The following GABRG3 variants were observed in gnomAD, a reference collection of about 807,000 sequenced individuals.
GABRG3 encodes the protein gamma-aminobutyric acid receptor subunit gamma-3.
Under a neutral mutation model 48.8 loss-of-function variants are expected in GABRG3, and 25 were observed. The ratio of observed to expected loss-of-function variants is 0.51; its 90% CI spans 0.37 to 0.72. The LOEUF is 0.72. Ranked by LOEUF, GABRG3 falls within the 30% of genes least tolerant of loss-of-function variation. The pLI is 0.00. For missense variants in GABRG3, 394 were observed against 577.9 expected (o/e 0.68, Z 3.26); for synonymous variants, 227 against 217.6 (o/e 1.04, Z -0.38).
At chr15:27,001,942 T>G (rs1204230328) in intron 2 of GABRG3, among the ~76,000 whole-genome samples, 1 of 149,672 alleles carries the variant, frequency 6.7e-6, no homozygotes, top group Non-Finnish European at 1.5e-5. Flanking sequence ...TTAGGGATTG[T>G]TTGGGTATTA....
At chr15:27,286,096 GC>G (rs1235252450) in intron 3 of GABRG3, among the ~76,000 whole-genome samples, 1 of 152,144 alleles carries the variant, frequency 6.6e-6, no homozygotes, top group Admixed American at 6.6e-5. Context: ...TATACACCAG[GC>G]AAAAGTGCAA....
chr15:27,024,781 C>T (rs1895955128), intron 2 of GABRG3, among the ~76,000 whole-genome samples: 1 of 152,106 alleles, frequency 6.6e-6, no homozygotes, highest in African/African-American at 2.4e-5. Flanking sequence ...ATTCCCAGCA[C>T]TTTGGGAGGC....
intron 3 of GABRG3, among the ~76,000 whole-genome samples, chr15:27,304,443 G>A (rs185204568): frequency 2.0e-4 from 30 of 151,852 alleles, no homozygotes; most frequent in Non-Finnish European, 4.1e-4. Flanking sequence ...TAGTTGTGAA[G>A]GTCATAAGTT....
At chr15:26,996,413 T>TA (rs1290084271) in intron 2 of GABRG3, among the ~76,000 whole-genome samples, 3 of 152,066 alleles carry the variant, frequency 2.0e-5, no homozygotes, top group African/African-American at 7.2e-5. Flanking sequence ...CATTGTCTTC[T>TA]GGCTTCCATC....
chr15:27,024,563 C>T lies in GABRG3; in HGVS notation c.203-2191C>T, dbSNP rs545628017. 1.8e-4 allele frequency among the ~76,000 whole-genome samples: 28 copies of T among 152,286 alleles called. No individual in the cohort carries two copies. In the East Asian group the frequency reaches 2.1e-3, roughly 12 times the overall value. ...AGCACTGTTGGTTGAAAAGACTGTC[C>T]GTTCCCTCATTGAATGGTCTTGGCA... On this transcript the variant is annotated intron_variant, in intron 2 of 9. Coordinates refer to ENST00000615808, the MANE Select transcript of GABRG3 (RefSeq NM_033223.5).
intron 3 of GABRG3, among the ~76,000 whole-genome samples, chr15:27,290,128 C>T (rs574111996): frequency 8.5e-5 from 13 of 152,064 alleles, no homozygotes; most frequent in African/African-American, 3.1e-4. Context: ...TATGTCGGAG[C>T]CAGCTGAGAG....
At chr15:27,046,269 T>A (rs1248676762) in intron 3 of GABRG3, among the ~76,000 whole-genome samples, 1 of 151,816 alleles carries the variant, frequency 6.6e-6, no homozygotes, top group South Asian at 2.1e-4. Context: ...AATTTTTTTT[T>A]TTTTTTTGTA....
chr15:27,531,254 A>G (rs2150866437), intron 9 of GABRG3, among the ~76,000 whole-genome samples: 1 of 152,264 alleles, frequency 6.6e-6, no homozygotes, highest in East Asian at 1.9e-4. Flanking sequence ...TCACACACAG[A>G]TGCTTCGCAT....
chr15:27,079,081 G>A (rs1043524100), intron 3 of GABRG3, among the ~76,000 whole-genome samples: 3 of 152,122 alleles, frequency 2.0e-5, no homozygotes, highest in African/African-American at 4.8e-5. Flanking sequence ...CTGACAGAAG[G>A]CATAGAACCG....
At chr15:27,075,180 G>C (rs2140738531) in intron 3 of GABRG3, among the ~76,000 whole-genome samples, 1 of 152,266 alleles carries the variant, frequency 6.6e-6, no homozygotes, top group East Asian at 1.9e-4. Flanking sequence ...TAATTCTTAA[G>C]ATGAGGTGAA....
At chr15:27,378,033 G>A (rs1260252825) in intron 5 of GABRG3, among the ~76,000 whole-genome samples, 2 of 152,064 alleles carry the variant, frequency 1.3e-5, no homozygotes, top group Admixed American at 6.6e-5. Flanking sequence ...GAACTTTACA[G>A]AGGATTAACT....
intron 3 of GABRG3, among the ~76,000 whole-genome samples, chr15:27,195,315 C>T (rs1474599039): frequency 1.3e-5 from 2 of 152,080 alleles, no homozygotes; most frequent in Non-Finnish European, 2.9e-5. Context: ...CTCTTTCTCT[C>T]CCTCTCTTTC....
intron 3 of GABRG3, among the ~76,000 whole-genome samples, chr15:27,106,347 T>G (rs1897449456): frequency 6.6e-6 from 1 of 152,046 alleles, no homozygotes; most frequent in African/African-American, 2.4e-5. Flanking sequence ...AGTAACCATT[T>G]TATTATCTAT....
At chr15:27,189,706 T>G (rs1418886202) in intron 3 of GABRG3, among the ~76,000 whole-genome samples, 1 of 152,212 alleles carries the variant, frequency 6.6e-6, no homozygotes, top group Non-Finnish European at 1.5e-5. Flanking sequence ...TTTTCCTAAT[T>G]GAATACGCTT....
chr15:27,140,010 G>A (rs1046538359), intron 3 of GABRG3, among the ~76,000 whole-genome samples: 3 of 152,190 alleles, frequency 2.0e-5, no homozygotes, highest in Non-Finnish European at 2.9e-5. Flanking sequence ...GCAGGGCCCC[G>A]GAGGCAGGTG....
intron 5 of GABRG3, among the ~76,000 whole-genome samples, chr15:27,416,584 C>CGCAA (rs1394886242): frequency 2.0e-5 from 3 of 152,154 alleles, no homozygotes; most frequent in Non-Finnish European, 4.4e-5. Flanking sequence ...AGGTAAAACT[C>CGCAA]GCAAAAGTGA....
intron 3 of GABRG3, among the ~76,000 whole-genome samples, chr15:27,155,972 T>A (rs1898413478): frequency 6.6e-6 from 1 of 152,100 alleles, no homozygotes; most frequent in African/African-American, 2.4e-5. Context: ...TTATCTATTC[T>A]GTTTGGCTAG....
At chr15:27,417,723 G>A (rs755252932) in intron 5 of GABRG3, among the ~76,000 whole-genome samples, 2 of 152,198 alleles carry the variant, frequency 1.3e-5, no homozygotes, top group Non-Finnish European at 2.9e-5. Context: ...CTTGGGTCAA[G>A]TGTATTTTTC....
In GABRG3 at chr15:27,253,949, C is replaced by T. The variant is rs559619678; in HGVS notation, c.271-72860C>T. 1.6e-4 allele frequency among the ~76,000 whole-genome samples: 25 copies of T among 152,326 alleles called. No individual in the cohort carries two copies. In the South Asian group the frequency reaches 4.6e-3, roughly 28 times the overall value. On this transcript the variant is annotated intron_variant, in intron 3 of 9. Coordinates refer to ENST00000615808, the MANE Select transcript of GABRG3 (RefSeq NM_033223.5). ...AATTTCCTGGTTTAAATAGAGTCAT[C>T]CTCAGAGGTTATGTCGCTTTCCAAT...
Sources: gnomAD v4.1 joint callset for allele counts (sites outside exome capture counted in the v4.1 genomes callset) on GRCh38, gnomAD v4.1.1 for gene constraint, MANE v1.5 for transcripts, NCBI Gene and HGNC (gene_info 2026-07-23, HGNC 2026-07-21) for gene names.